The following NSD2 variants were observed in gnomAD, a reference collection of about 807,000 sequenced individuals.
NSD2 encodes the protein histone-lysine N-methyltransferase NSD2.
In NSD2, 12 loss-of-function variants were observed where a neutral mutation model predicts 139.0. The ratio of observed to expected loss-of-function variants is 0.09; its 90% CI spans 0.06 to 0.14. NSD2 has a LOEUF of 0.14. Ranked by LOEUF, NSD2 falls within the 10% of genes least tolerant of loss-of-function variation. The pLI is 1.00. For synonymous variants in NSD2, 669 were observed against 648.7 expected, an observed-to-expected ratio of 1.03 and a Z score of -0.48; for missense variants, 1,155 against 1,745.0, an observed-to-expected ratio of 0.66 and a Z score of 6.02.
intron 5 of NSD2, among the ~76,000 whole-genome samples, chr4:1,924,952 C>T (rs1032067319): frequency 3.9e-5 from 6 of 152,150 alleles, no homozygotes; most frequent in Non-Finnish European, 7.3e-5. Flanking sequence ...AAATTGAGCT[C>T]TGTGTTAATG....
chr4:1,941,154 TC>T, intron 9 of NSD2: 2 of 1,054,426 alleles, frequency 1.9e-6, no homozygotes, highest in Non-Finnish European at 2.3e-6. Flanking sequence ...TTCTTTCTTG[TC>T]CAAGTTCAGG....
rs771028690 is a variant in NSD2 at position 1,955,480 on chromosome 4, C to T, written c.2518+140C>T. On this transcript the variant is annotated intron_variant, in intron 13 of 21. Coordinates refer to ENST00000508803, the MANE Select transcript of NSD2 (RefSeq NM_001042424.3). The surrounding 1 kb of genome is among the most constrained non-coding windows in gnomAD (Gnocchi z 4.7). ...GCGTCTTCACGTTAATAGTATATCA[C>T]AGTAGCTCTAAATTAATTGTAATCA... The T allele has an allele frequency of 3.1e-5, 39 of 1,249,046 alleles. No individual in the cohort carries two copies. Among genetic ancestry groups the T allele is most frequent in the Non-Finnish European group, 4.1e-5 (38 of 928,924 alleles). 77.4% of individuals were successfully genotyped at this position (1,249,046 alleles called of 1,614,324 possible).
chr4:1,961,487 TG>T (rs2108978124), intron 18 of NSD2, among the ~76,000 whole-genome samples: 1 of 152,318 alleles, frequency 6.6e-6, no homozygotes, highest in South Asian at 2.1e-4. Flanking sequence ...AAAAAGTGAT[TG>T]TATTTTATTT....
rs555530381 is a variant in NSD2 at position 1,909,317 on chromosome 4, T to G, written c.760+4939T>G. Among the ~76,000 whole-genome samples the G allele has an allele frequency of 3.9e-5, 6 of 152,032 alleles. No individual in the cohort carries two copies. The East Asian group carries it at 1.2e-3, about 29-fold the overall frequency. ...TCAGAGAAGGCCTAGGTTCTTTGAG[T>G]ACAGAATAGTATGTAGGAGCCCAGG... On this transcript the variant is annotated intron_variant, in intron 3 of 21. Transcript: ENST00000508803.
rs1204589813 is a variant in NSD2, at chr4:1,958,994, A to G, written c.2986-477A>G. 6.6e-6 allele frequency among the ~76,000 whole-genome samples: 1 copy of G among 152,174 alleles called. No individual in the cohort carries two copies. Among genetic ancestry groups the G allele is most frequent in the Non-Finnish European group, 1.5e-5 (1 of 68,014 alleles). On this transcript the variant is annotated intron_variant, in intron 16 of 21. Coordinates refer to ENST00000508803, the MANE Select transcript of NSD2 (RefSeq NM_001042424.3). The surrounding 1 kb of genome is among the most constrained non-coding windows in gnomAD (Gnocchi z 4.6). ...CCACAAGGTCATGAGAGCAGAGGCTATGCCCTCCTGCCTAGCACTGCTCCT... is the reference window on the plus strand; with the variant it reads ...CCACAAGGTCATGAGAGCAGAGGCTGTGCCCTCCTGCCTAGCACTGCTCCT...
At chr4:1,941,773 A>G in intron 9 of NSD2, 1 of 1,049,438 alleles carries the variant, frequency 9.5e-7, no homozygotes, top group Non-Finnish European at 1.2e-6. Context: ...GTTCATTTTT[A>G]TAGAATTATG....
chr4:1,911,773 T>C (rs1014618854), intron 3 of NSD2, among the ~76,000 whole-genome samples: 4 of 152,058 alleles, frequency 2.6e-5, no homozygotes, highest in African/African-American at 9.7e-5. Context: ...ATAAAAATAG[T>C]AGAAAATTCG....
At chr4:1,950,948 A>G (rs1466341516) in intron 9 of NSD2, 124 bp from the exon 10 acceptor site, 2 of 1,286,006 alleles carry the variant, frequency 1.6e-6, no homozygotes, top group East Asian at 4.7e-5. Context: ...CACTGGCGGT[A>G]CAGGACCAGT....
At chr4:1,925,762 C>CTATA (rs1469853788) in intron 5 of NSD2, among the ~76,000 whole-genome samples, 9 of 147,698 alleles carry the variant, frequency 6.1e-5, no homozygotes, top group African/African-American at 2.1e-4. Context: ...TTTTATATAT[C>CTATA]TATATATATA....
At chr4:1,968,327 G>A (rs568245764) in intron 18 of NSD2, among the ~76,000 whole-genome samples, 39 of 152,344 alleles carry the variant, frequency 2.6e-4, no homozygotes, top group African/African-American at 7.7e-4. Flanking sequence ...TGATGACTGC[G>A]AGGCAGGAAG....
intron 3 of NSD2, among the ~76,000 whole-genome samples, chr4:1,910,491 A>G (rs551625351): frequency 6.6e-6 from 1 of 152,300 alleles, no homozygotes; most frequent in South Asian, 2.1e-4. Flanking sequence ...TATGTTTTAG[A>G]TATTACACTC....
rs1310821321 is a variant in NSD2, at chr4:1,892,635, G to GGCTCGGCTCATTGTAACCTCC, written c.-29-7988_-29-7968dup. 7 of 151,510 alleles carry GGCTCGGCTCATTGTAACCTCC rather than the reference G, an allele frequency of 4.6e-5. No individual in the cohort carries two copies. In the East Asian group the frequency reaches 1.4e-3, roughly 29 times the overall value. The allele number at this position is 151,510 out of a possible 1,614,324, so 9.4% of individuals were successfully genotyped here. On this transcript the variant is annotated intron_variant, in intron 1 of 21. Coordinates refer to ENST00000508803, the MANE Select transcript of NSD2 (RefSeq NM_001042424.3). The stretch of plus-strand genomic sequence containing the variant: ...GGCTGGAGTGTAGTGGCCTGATCTC[G>GGCTCGGCTCATTGTAACCTCC]GCTCGGCTCATTGTAACCTCCGCCT...
At chr4:1,921,903 C>T (rs748885529) in intron 5 of NSD2, among the ~76,000 whole-genome samples, 1 of 151,908 alleles carries the variant, frequency 6.6e-6, no homozygotes, top group African/African-American at 2.4e-5. Context: ...AATCCCAACA[C>T]TTTGGAGGCC....
Position 1,955,384 on chromosome 4 carries a change from C to A in NSD2, c.2518+44C>A. 1 of 1,569,608 alleles carries A rather than the reference C, an allele frequency of 6.4e-7. No homozygotes were observed. Among genetic ancestry groups the A allele is most frequent in the South Asian group, 1.1e-5 (1 of 87,356 alleles). On this transcript the variant is annotated intron_variant, in intron 13 of 21. Coordinates refer to ENST00000508803, the MANE Select transcript of NSD2 (RefSeq NM_001042424.3). The surrounding 1 kb of genome is among the most constrained non-coding windows in gnomAD (Gnocchi z 4.7). ...TCTGCGGCACACGCCTCTCACACTC[C>A]CAGGAGCCACATATCAAGGCAGGCT... is the stretch of plus-strand genomic sequence containing the variant.
chr4:1,952,188 C>A lies in NSD2; in HGVS notation c.2094C>A (p.Ser698=). Residue 698 remains serine, a synonymous_variant, in exon 11 of 22, where the codon TCC becomes TCA. Coordinates refer to ENST00000508803, the MANE Select transcript of NSD2 (RefSeq NM_001042424.3). Reference sequence around the variant, plus strand: ...TCCACCTCGCCTGCCTTGGGCTTTCCCGGAGGCCAGAAGGGAGGTTCACCT... The same window carrying A: ...TCCACCTCGCCTGCCTTGGGCTTTCACGGAGGCCAGAAGGGAGGTTCACCT... ...GAFHLACLGL[S]RRPEGRFTCS... 2 of 1,614,082 alleles carry A rather than the reference C, an allele frequency of 1.2e-6. No individual in the cohort carries two copies. Among genetic ancestry groups the A allele is most frequent in the Non-Finnish European group, 1.7e-6 (2 of 1,180,026 alleles).
intron 3 of NSD2, among the ~76,000 whole-genome samples, chr4:1,914,477 C>T (rs546906528): frequency 3.7e-4 from 56 of 152,110 alleles, no homozygotes; most frequent in Non-Finnish European, 6.9e-4. Flanking sequence ...GGGCACACGC[C>T]ACCATGCCTG....
intron 15 of NSD2, among the ~76,000 whole-genome samples, chr4:1,957,485 A>G (rs1223459514): frequency 6.9e-6 from 1 of 144,432 alleles, no homozygotes; most frequent in African/African-American, 2.6e-5. Flanking sequence ...ATGGGGTTTC[A>G]GCATGTTGGC....
At chr4:1,967,384 C>G (rs1725998157) in intron 18 of NSD2, among the ~76,000 whole-genome samples, 1 of 152,146 alleles carries the variant, frequency 6.6e-6, no homozygotes, top group South Asian at 2.1e-4. Context: ...TCGAGACCAG[C>G]CTGGCCAATA....
rs923537017 is a variant in NSD2 at position 1,973,464 on chromosome 4, G to T, written c.3373-1399G>T. Among the ~76,000 whole-genome samples, 1 of 152,248 alleles carries T rather than the reference G, an allele frequency of 6.6e-6. No homozygotes were observed. The highest frequency in any genetic ancestry group is 2.4e-5 in the African/African-American group (1 of 41,466). On this transcript the variant is annotated intron_variant, in intron 18 of 21. Coordinates refer to ENST00000508803, the MANE Select transcript of NSD2 (RefSeq NM_001042424.3). The surrounding 1 kb of genome is among the most constrained non-coding windows in gnomAD (Gnocchi z 5.5). ...GCACATCAGCACCGCGGCTCAGCGC[G>T]TCATGACAAAGCATCTGCAGAGGGC...
Sources: gnomAD v4.1 joint callset for allele counts (sites outside exome capture counted in the v4.1 genomes callset) on GRCh38, gnomAD v4.1.1 for gene constraint, Gnocchi (gnomAD v3.1) non-coding constraint, MANE v1.5 for transcripts, NCBI Gene and HGNC (gene_info 2026-07-23, HGNC 2026-07-21) for gene names.